GBP2: variants seen among roughly 807,000 people sequenced by gnomAD.
The protein encoded by GBP2 is guanylate-binding protein 2.
In GBP2, 54 loss-of-function variants were observed where a neutral mutation model predicts 60.8. The observed-to-expected ratio is 0.89, with a 90% CI of 0.71 to 1.11. GBP2 has a LOEUF of 1.11. Ranked by LOEUF, GBP2 falls within the 50% of genes most tolerant of loss-of-function variation. GBP2 has a pLI of 0.00. For synonymous variants in GBP2, 243 were observed against 256.5 expected, an observed-to-expected ratio of 0.95 and a Z score of 0.50; for missense variants, 665 against 703.3, an observed-to-expected ratio of 0.95 and a Z score of 0.62.
intron 6 of GBP2, among the ~76,000 whole-genome samples, chr1:89,115,472 C>T (rs183171746): frequency 2.4e-4 from 37 of 152,300 alleles, no homozygotes; most frequent in African/African-American, 8.7e-4. Flanking sequence ...TTCTCTAGAG[C>T]TTAGACAAAC....
intron 10 of GBP2, 123 bp downstream of exon 10, chr1:89,109,553 GA>G: frequency 1.4e-6 from 1 of 700,596 alleles, no homozygotes. Flanking sequence ...AATAGTTAGG[GA>G]AGGAAAAATG....
At position 89,121,135 on chromosome 1, in the gene GBP2, T is replaced by C; in HGVS notation, c.318+8A>G. 6.2e-7 allele frequency: 1 copy of C among 1,608,844 alleles called. No homozygotes were observed. Among genetic ancestry groups the C allele is most frequent in the Non-Finnish European group, 8.5e-7 (1 of 1,177,490 alleles). On this transcript the variant is annotated splice_region_variant and intron_variant, in intron 3 of 10. Transcript: ENST00000370466. Reference sequence around the variant, plus strand: ...AAGTGAAATTTTTAAAATACTTATTTTTTTTACCTTCTCTATATCTCCCAG... The same window carrying C: ...AAGTGAAATTTTTAAAATACTTATTCTTTTTACCTTCTCTATATCTCCCAG...
intron 1 of GBP2, 116 bp from the exon 2 acceptor site, chr1:89,122,099 G>GT: frequency 1.6e-6 from 1 of 617,128 alleles, no homozygotes. Context: ...TTTCATATAC[G>GT]TTTTTTAAAG....
chr1:89,110,208 AG>A lies in GBP2; in HGVS notation c.1420del (p.Leu474TyrfsTer19), dbSNP rs1390977916. The A allele has an allele frequency of 9.9e-6, 16 of 1,613,856 alleles. No homozygotes were observed. Among genetic ancestry groups the A allele is most frequent in the South Asian group, 3.3e-5 (3 of 91,080 alleles). On this transcript the variant is annotated frameshift_variant, in exon 9 of 11. Transcript: ENST00000370466. LOFTEE classifies it high-confidence loss of function. ...TTCTGAGAGTGACTGATCAGTCTGT[AG>A]AAGTGCATCAGCCACATCCTCCTTG... ...ESKEDVADAL[L>X]QTDQSLSEKE...
At chr1:89,112,125 T>C (rs893697557) in intron 8 of GBP2, among the ~76,000 whole-genome samples, 5 of 152,234 alleles carry the variant, frequency 3.3e-5, no homozygotes, top group African/African-American at 1.2e-4. Context: ...ATTTGCTAAT[T>C]GCCTGTGTGT....
chr1:89,116,357 A>G (rs1443681058), intron 6 of GBP2, among the ~76,000 whole-genome samples: 1 of 152,194 alleles, frequency 6.6e-6, no homozygotes, highest in African/African-American at 2.4e-5. Flanking sequence ...TGACTTTCAC[A>G]GACAAGCATT....
chr1:89,108,899 CT>C (rs1553121700), intron 10 of GBP2, among the ~76,000 whole-genome samples: 18 of 147,010 alleles, frequency 1.2e-4, no homozygotes, highest in Non-Finnish European at 2.1e-4. Context: ...GGGAATCTTT[CT>C]TTTTTTTTTT....
rs1681372674 is a variant in GBP2, at chr1:89,120,292, T to C, written c.319-4A>G. The C allele has an allele frequency of 1.2e-6, 2 of 1,606,256 alleles. No individual in the cohort carries two copies. The highest frequency in any genetic ancestry group is 1.7e-6 in the Non-Finnish European group (2 of 1,173,062). On this transcript the variant is annotated splice_region_variant and splice_polypyrimidine_tract_variant and intron_variant, in intron 3 of 10. Coordinates refer to ENST00000370466, the MANE Select transcript of GBP2 (RefSeq NM_004120.5). Reference sequence around the variant, plus strand: ...AGGAGTCATTCTCATTGTCACCCTGTAAGTCATTGTAGAAGCCACAAAGAA... The same window carrying C: ...AGGAGTCATTCTCATTGTCACCCTGCAAGTCATTGTAGAAGCCACAAAGAA...
At chr1:89,116,317 T>C (rs1190309477) in intron 6 of GBP2, among the ~76,000 whole-genome samples, 1 of 152,128 alleles carries the variant, frequency 6.6e-6, no homozygotes, top group Non-Finnish European at 1.5e-5. Flanking sequence ...CCCAGCCAAC[T>C]CAATCATTTT....
At chr1:89,121,738 C>T (rs771576832) in intron 2 of GBP2, 39 bp downstream of exon 2, 53 of 1,595,732 alleles carry the variant, frequency 3.3e-5, no homozygotes, top group East Asian at 2.5e-4. Context: ...GCCGTGTGTA[C>T]GGACAGAAGG....
At position 89,108,092 on chromosome 1, in the gene GBP2, G is replaced by T; in HGVS notation, c.*83C>A. The T allele has an allele frequency of 1.4e-6, 1 of 727,254 alleles. No homozygotes were observed. The highest frequency in any genetic ancestry group is 2.4e-6 in the Non-Finnish European group (1 of 420,400). The allele number at this position is 727,254 out of a possible 1,614,324, so 45.1% of individuals were successfully genotyped here. A position where few individuals can be genotyped will look rare whatever the true frequency, so the allele number is the denominator to read the frequency against. ...TGATTTTGAGTTAAGTTTAATGGCA[G>T]TTGTTTGACACTCTGAAGTTGCTCA... On this transcript the variant is annotated 3_prime_UTR_variant, in exon 11 of 11. Transcript: ENST00000370466.
chr1:89,109,378 G>T (rs1231792118), intron 10 of GBP2, among the ~76,000 whole-genome samples: 1 of 152,190 alleles, frequency 6.6e-6, no homozygotes, highest in Non-Finnish European at 1.5e-5. Flanking sequence ...TTTAGCAAAT[G>T]AGAAACTAAT....
At position 89,108,064 on chromosome 1, in the gene GBP2, T is replaced by A. The variant is rs1681087647; in HGVS notation, c.*111A>T. The A allele has an allele frequency of 4.5e-6, 3 of 665,466 alleles. No individual in the cohort carries two copies. The highest frequency in any genetic ancestry group is 8.0e-6 in the Non-Finnish European group (3 of 376,244). 41.2% of individuals were successfully genotyped at this position (665,466 alleles called of 1,614,324 possible). A position where few individuals can be genotyped will look rare whatever the true frequency, so the allele number is the denominator to read the frequency against. ...TTATGGTTCAACAAAAATGCATGCA[T>A]CATGATTTTGAGTTAAGTTTAATGG... On this transcript the variant is annotated 3_prime_UTR_variant, in exon 11 of 11. Coordinates refer to ENST00000370466, the MANE Select transcript of GBP2 (RefSeq NM_004120.5).
intron 5 of GBP2, 40 bp downstream of exon 5, chr1:89,117,537 C>T: frequency 6.7e-7 from 1 of 1,483,066 alleles, no homozygotes; most frequent in Non-Finnish European, 9.3e-7. Context: ...ATATTATTTG[C>T]TCTCTATTTA....
intron 3 of GBP2, among the ~76,000 whole-genome samples, chr1:89,120,589 C>G (rs1187260495): frequency 1.3e-5 from 2 of 151,952 alleles, no homozygotes; most frequent in Non-Finnish European, 2.9e-5. Flanking sequence ...AGTTTATGAC[C>G]CTATTCCATT....
rs1224973613 is a variant in GBP2 at position 89,121,270 on chromosome 1, C to A, written c.191G>T (p.Gly64Val). 3.1e-5 allele frequency: 50 copies of A among 1,599,498 alleles called. No homozygotes were observed. In the Admixed American group the frequency reaches 8.2e-4, roughly 26 times the overall value. The change falls in exon 3 of 11, where the codon GGC becomes GTC. Residue 64 changes from glycine to valine, a missense_variant and splice_region_variant. Gly to Val is a moderately radical substitution (Grantham distance 109). Transcript: ENST00000370466. Reference sequence around the variant, plus strand: ...CTTCACTGTGGAGCCTAGAGAGAAGCCTGTAGAAGGAGAGGATAAAAGGGA... The same window carrying A: ...CTTCACTGTGGAGCCTAGAGAGAAGACTGTAGAAGGAGAGGATAAAAGGGA... ...LMNKLAGKKNGFSLGSTVKSH... is the reference protein window; with the variant it reads ...LMNKLAGKKNVFSLGSTVKSH...
At chr1:89,110,379 C>A (rs1475424915) in intron 8 of GBP2, 113 bp from the exon 9 acceptor site, 2 of 776,114 alleles carry the variant, frequency 2.6e-6, no homozygotes, top group Non-Finnish European at 4.4e-6. Flanking sequence ...AAAAAAGATA[C>A]TTGCATACGC....
intron 6 of GBP2, 109 bp from the exon 7 acceptor site, chr1:89,114,405 T>C: frequency 7.9e-7 from 1 of 1,258,116 alleles, no homozygotes; most frequent in Admixed American, 2.7e-5. Context: ...AAGTTTTGGA[T>C]AAAGAATAGT....
At chr1:89,115,600 A>C (rs1681253915) in intron 6 of GBP2, among the ~76,000 whole-genome samples, 1 of 151,670 alleles carries the variant, frequency 6.6e-6, no homozygotes, top group South Asian at 2.1e-4. Flanking sequence ...TCTTTCTTCT[A>C]TTTTCGTTTA....
Sources: gnomAD v4.1 joint callset for allele counts (sites outside exome capture counted in the v4.1 genomes callset) on GRCh38, gnomAD v4.1.1 for gene constraint, MANE v1.5 for transcripts, NCBI Gene and HGNC (gene_info 2026-07-23, HGNC 2026-07-21) for gene names.